Variants in ZCCHC14 observed in about 807,000 individuals in gnomAD.
ZCCHC14 encodes the protein zinc finger CCHC domain-containing protein 14.
In ZCCHC14, 16 loss-of-function variants were observed where a neutral mutation model predicts 85.0. The observed-to-expected ratio is 0.19, with a 90% CI of 0.13 to 0.29. The LOEUF (loss-of-function observed/expected upper bound fraction) is 0.29, where lower values mean the gene tolerates loss of function less well. Among genes scored for constraint, ZCCHC14 ranks in the 10% least tolerant of loss-of-function variants. The pLI is 1.00. For synonymous variants in ZCCHC14, 775 were observed against 630.7 expected (o/e 1.23, Z -3.43); for missense variants, 1,303 against 1,443.5 (o/e 0.90, Z 1.58).
chr16:87,445,045 T>C (rs535677990), intron 2 of ZCCHC14, among the ~76,000 whole-genome samples: 1 of 150,438 alleles, frequency 6.6e-6, no homozygotes, highest in East Asian at 2.0e-4. Context: ...TTCTATAAAT[T>C]TGTGATTTTG....
At chr16:87,451,989 C>A (rs184801946) in intron 2 of ZCCHC14, among the ~76,000 whole-genome samples, 10 of 152,354 alleles carry the variant, frequency 6.6e-5, no homozygotes, top group Non-Finnish European at 1.5e-4. Flanking sequence ...CTGCACGGCA[C>A]GGGGCTGGGC....
chr16:87,419,716 A>C (rs1340353730), intron 6 of ZCCHC14, 67 bp downstream of exon 6: 1 of 1,355,408 alleles, frequency 7.4e-7, no homozygotes. Context: ...GATTACAAGC[A>C]TGAGCCACTG....
intron 2 of ZCCHC14, among the ~76,000 whole-genome samples, chr16:87,457,777 C>T (rs1346211754): frequency 2.0e-5 from 3 of 152,116 alleles, no homozygotes; most frequent in South Asian, 4.1e-4. Context: ...ATAACCTGCA[C>T]CCAACAGAAT....
intron 1 of ZCCHC14, among the ~76,000 whole-genome samples, chr16:87,488,141 G>A (rs180671134): frequency 6.6e-6 from 1 of 152,092 alleles, no homozygotes. Flanking sequence ...TTTCAATAAA[G>A]CTGTTATTTT....
intron 1 of ZCCHC14, chr16:87,473,816 C>G (rs1000482485): frequency 2.6e-5 from 4 of 151,914 alleles, no homozygotes. Context: ...CTTGAAGAGG[C>G]CAGGAGCGAG....
intron 1 of ZCCHC14, chr16:87,467,737 C>A (rs544390708): frequency 1.7e-6 from 1 of 588,914 alleles, no homozygotes; most frequent in Admixed American, 2.5e-5. Flanking sequence ...CTGCAAGCTC[C>A]GCCTCCCGGG....
intron 8 of ZCCHC14, among the ~76,000 whole-genome samples, chr16:87,415,636 C>T (rs1322131093): frequency 6.6e-6 from 1 of 152,210 alleles, no homozygotes; most frequent in Non-Finnish European, 1.5e-5. Context: ...TGGATGGGTG[C>T]ACCACCTCAC....
At chr16:87,481,540 G>T (rs1912273909) in intron 1 of ZCCHC14, among the ~76,000 whole-genome samples, 2 of 31,362 alleles carry the variant, frequency 6.4e-5, no homozygotes, top group Non-Finnish European at 1.7e-4. Context: ...GGGGGGGGGG[G>T]GTGGGGGGGG....
Position 87,485,605 on chromosome 16 carries a change from A to G in ZCCHC14, c.570+6064T>C, listed in dbSNP as rs1317006703. ...GGCAGTTTTCCAAAAAAAAAAAAAA[A>G]AAGAAGAAGAATCTTTTTCTAAAAT... On this transcript the variant is annotated intron_variant, in intron 1 of 12. Transcript: ENST00000671377. Among the ~76,000 whole-genome samples the G allele has an allele frequency of 1.3e-4, 19 of 151,430 alleles. No individual in the cohort carries two copies. In the Middle Eastern group the frequency reaches 0.014, roughly 111 times the overall value.
chr16:87,433,882 G>A (rs1222825979), intron 2 of ZCCHC14, among the ~76,000 whole-genome samples: 1 of 151,858 alleles, frequency 6.6e-6, no homozygotes, highest in Non-Finnish European at 1.5e-5. Context: ...GACCTCAGGT[G>A]ATCCGCCCGC....
At chr16:87,468,373 A>C (rs984955616) in intron 1 of ZCCHC14, among the ~76,000 whole-genome samples, 2 of 152,102 alleles carry the variant, frequency 1.3e-5, no homozygotes, top group African/African-American at 4.8e-5. Context: ...TCAGGAGAGT[A>C]TGTGTCATCA....
chr16:87,451,951 G>A (rs114617708), intron 2 of ZCCHC14, among the ~76,000 whole-genome samples: 10 of 152,358 alleles, frequency 6.6e-5, no homozygotes, highest in African/African-American at 2.2e-4. Flanking sequence ...GCATGTCCTC[G>A]CCTGAGCAAA....
Position 87,430,683 on chromosome 16 carries a change from G to A in ZCCHC14, c.768+2445C>T, listed in dbSNP as rs562423487. Among the ~76,000 whole-genome samples the A allele has an allele frequency of 7.9e-5, 12 of 152,044 alleles. No homozygotes were observed. The South Asian group carries it at 8.3e-4, about 11-fold the overall frequency. On this transcript the variant is annotated intron_variant, in intron 3 of 12. Transcript: ENST00000671377. ...ACTACGGGTGCCCGCCACCGCGCCC[G>A]GCTAATTTTTGTATTTTTAGTAGAG...
chr16:87,491,605 C>A lies in ZCCHC14; in HGVS notation c.570+64G>T. ...GGGGGGTCGCGGTGCAGGCTGGAGG[C>A]TTGGAGTGCAGAGTTGGGGATGCAG... On this transcript the variant is annotated intron_variant, in intron 1 of 12. Transcript: ENST00000671377. This position sits in a 1 kb window ranked among gnomAD's most constrained non-coding sequence, Gnocchi z 5.9. The A allele has an allele frequency of 7.5e-7, 1 of 1,328,942 alleles. No individual in the cohort carries two copies. Among genetic ancestry groups the A allele is most frequent in the East Asian group, 3.2e-5 (1 of 31,374 alleles). The allele number at this position is 1,328,942 out of a possible 1,614,324, so 82.3% of individuals were successfully genotyped here.
chr16:87,491,078 C>A lies in ZCCHC14; in HGVS notation c.570+591G>T, dbSNP rs559853370. Reference sequence around the variant, plus strand: ...TACCAGATTTGGGGAAACCAAGGCGCCGCAATGTGTGTTATCTGTCACCCA... The same window carrying A: ...TACCAGATTTGGGGAAACCAAGGCGACGCAATGTGTGTTATCTGTCACCCA... On this transcript the variant is annotated intron_variant, in intron 1 of 12. Transcript: ENST00000671377. This position sits in a 1 kb window ranked among gnomAD's most constrained non-coding sequence, Gnocchi z 5.9. 6.6e-6 allele frequency among the ~76,000 whole-genome samples: 1 copy of A among 152,376 alleles called. No individual in the cohort carries two copies. Among genetic ancestry groups the A allele is most frequent in the Non-Finnish European group, 1.5e-5 (1 of 68,040 alleles).
chr16:87,429,453 A>T (rs1198956909), intron 3 of ZCCHC14, among the ~76,000 whole-genome samples: 1 of 152,112 alleles, frequency 6.6e-6, no homozygotes, highest in Non-Finnish European at 1.5e-5. Context: ...CTGGAACTGC[A>T]GGCATGTGCC....
At position 87,492,885 on chromosome 16, in the gene ZCCHC14, G is replaced by A. The variant is rs1296195009; in HGVS notation, c.-647C>T. Among the ~76,000 whole-genome samples the A allele has an allele frequency of 2.7e-5, 4 of 148,344 alleles. No individual in the cohort carries two copies. The highest frequency in any genetic ancestry group is 2.7e-4 in the Admixed American group (4 of 14,988). On this transcript the variant is annotated 5_prime_UTR_variant, in exon 1 of 13. Transcript: ENST00000671377. This position sits in a 1 kb window ranked among gnomAD's most constrained non-coding sequence, Gnocchi z 6.7. ...CTTGCCGGCCTTGCTGCTCCCGCGCGGCGGACGGATCCGGGCCCGAGCGCG... is the reference window on the plus strand; with the variant it reads ...CTTGCCGGCCTTGCTGCTCCCGCGCAGCGGACGGATCCGGGCCCGAGCGCG...
chr16:87,469,960 C>T (rs1911705819), intron 1 of ZCCHC14, among the ~76,000 whole-genome samples: 1 of 152,170 alleles, frequency 6.6e-6, no homozygotes, highest in African/African-American at 2.4e-5. Context: ...AGTGCACTTG[C>T]CAGGCACAGT....
At chr16:87,478,302 G>A (rs1912114111) in intron 1 of ZCCHC14, among the ~76,000 whole-genome samples, 1 of 152,194 alleles carries the variant, frequency 6.6e-6, no homozygotes, top group African/African-American at 2.4e-5. Flanking sequence ...CAGATAATAA[G>A]CCAGCAAGAA....
Sources: allele counts gnomAD v4.1 joint callset (sites outside exome capture counted in the v4.1 genomes callset), GRCh38; gene constraint gnomAD v4.1.1; non-coding constraint Gnocchi (gnomAD v3.1); transcripts MANE v1.5; gene names NCBI Gene and HGNC (gene_info 2026-07-23, HGNC 2026-07-21).